ACTR3C: variants seen among roughly 807,000 people sequenced by gnomAD.
ACTR3C encodes actin related protein 3C, also known as actin-related protein 3C.
ACTR3C carries 18 observed loss-of-function variants against 26.3 expected under a neutral mutation model. The observed-to-expected ratio is 0.68, with a 90% confidence interval of 0.47 to 1.01. The LOEUF (loss-of-function observed/expected upper bound fraction) is 1.01, where lower values mean the gene tolerates loss of function less well. Among genes scored for constraint, ACTR3C ranks in the 50% least tolerant of loss-of-function variants. The pLI, the probability that ACTR3C is intolerant of heterozygous loss-of-function variation, is 0.00. For missense variants in ACTR3C, 184 were observed against 250.7 expected, an observed-to-expected ratio of 0.73 and a Z score of 1.80; for synonymous variants, 55 against 94.5, an observed-to-expected ratio of 0.58 and a Z score of 2.42.
the ACTR3C span, among the ~76,000 whole-genome samples, chr7:149,953,562 C>T: frequency 0.011 from 1,618 of 152,182 alleles, 32 homozygotes; most frequent in African/African-American, 0.036. Context: ...TACTGCAATT[C>T]ACCTCCTTCA....
chr7:150,149,526 GAT>G, the ACTR3C span, among the ~76,000 whole-genome samples: 1 of 123,344 alleles, frequency 8.1e-6, no homozygotes, highest in Admixed American at 1.1e-4. Context: ...CCTGGTGTGT[GAT>G]GTTCCCCACC....
intron 6 of ACTR3C, among the ~76,000 whole-genome samples, chr7:150,263,977 C>T (rs183789130): frequency 5.3e-5 from 8 of 152,324 alleles, no homozygotes; most frequent in Admixed American, 1.3e-4. Context: ...GAGCTCTCAG[C>T]GGGGGCTAAG....
At chr7:150,066,161 C>G in the ACTR3C span, among the ~76,000 whole-genome samples, 2 of 152,050 alleles carry the variant, frequency 1.3e-5, no homozygotes, top group Non-Finnish European at 2.9e-5. Flanking sequence ...TACACACACA[C>G]AAAGGAAGGA....
At chr7:149,951,838 T>C in the ACTR3C span, among the ~76,000 whole-genome samples, 1 of 149,986 alleles carries the variant, frequency 6.7e-6, no homozygotes, top group South Asian at 2.1e-4. Context: ...CAAGTGAGCA[T>C]TTTGGGAGGC....
At chr7:150,114,366 A>G in the ACTR3C span, among the ~76,000 whole-genome samples, 1 of 152,086 alleles carries the variant, frequency 6.6e-6, no homozygotes, top group Non-Finnish European at 1.5e-5. Context: ...CCAGATCTGT[A>G]AGATCTAAGC....
intron 6 of ACTR3C, among the ~76,000 whole-genome samples, chr7:150,276,086 A>T (rs1260025115): frequency 1.3e-5 from 2 of 149,398 alleles, no homozygotes; most frequent in Non-Finnish European, 3.0e-5. Flanking sequence ...TTATGCTGGT[A>T]AAAGAATGTC....
the ACTR3C span, among the ~76,000 whole-genome samples, chr7:150,157,707 A>T: frequency 3.9e-5 from 6 of 152,224 alleles, no homozygotes; most frequent in Non-Finnish European, 5.9e-5. Context: ...GCATAGACGA[A>T]GAGTAGAATG....
chr7:150,272,180 A>T (rs1393708992), intron 6 of ACTR3C, among the ~76,000 whole-genome samples: 3 of 144,298 alleles, frequency 2.1e-5, no homozygotes, highest in Non-Finnish European at 4.4e-5. Context: ...ATTTTCTCTG[A>T]GAAAATGACA....
chr7:149,944,211 A>C, the ACTR3C span, among the ~76,000 whole-genome samples: 1 of 152,098 alleles, frequency 6.6e-6, no homozygotes, highest in East Asian at 1.9e-4. Flanking sequence ...GTCCTGGATT[A>C]CCTGAGCTAT....
chr7:150,314,349 T>TA (rs1270710152), intron 1 of ACTR3C, among the ~76,000 whole-genome samples: 1 of 152,186 alleles, frequency 6.6e-6, no homozygotes, highest in East Asian at 1.9e-4. Flanking sequence ...CATTTTTCCT[T>TA]AAACTATTAA....
At chr7:150,043,029 T>C in the ACTR3C span, among the ~76,000 whole-genome samples, 1 of 151,680 alleles carries the variant, frequency 6.6e-6, no homozygotes, top group Non-Finnish European at 1.5e-5. Context: ...ACTGCAAAGT[T>C]TGGGATCCAC....
the ACTR3C span, among the ~76,000 whole-genome samples, chr7:150,202,582 A>G: frequency 6.6e-6 from 1 of 152,238 alleles, no homozygotes; most frequent in Admixed American, 6.5e-5. Context: ...GCTCTGCAGC[A>G]TCATCATTAA....
At chr7:150,004,462 C>T in the ACTR3C span, 1 of 152,220 alleles carries the variant, frequency 6.6e-6, no homozygotes, top group African/African-American at 2.4e-5. Flanking sequence ...TGCCATCTGA[C>T]AACCATTGTA....
chr7:150,322,556 G>C (rs1009908718), intron 1 of ACTR3C: 2 of 152,238 alleles, frequency 1.3e-5, no homozygotes, highest in Non-Finnish European at 2.9e-5. Flanking sequence ...GGTCTAAAAA[G>C]GGGAGGAAGC....
the ACTR3C span, among the ~76,000 whole-genome samples, chr7:149,941,295 ACTGTTCTC>A: frequency 6.6e-6 from 1 of 152,146 alleles, no homozygotes; most frequent in Non-Finnish European, 1.5e-5. Flanking sequence ...CTACGTAGGA[ACTGTTCTC>A]CTGGCACAAG....
At chr7:150,250,861 G>A (rs114868314) in intron 6 of ACTR3C, among the ~76,000 whole-genome samples, 9,387 of 151,952 alleles carry the variant, frequency 0.062, 954 homozygotes, top group African/African-American at 0.22. Context: ...CCTAGATTTC[G>A]GAAGAGAGCT....
intron 6 of ACTR3C, among the ~76,000 whole-genome samples, chr7:150,265,402 A>AC (rs1267902372): frequency 6.8e-6 from 1 of 148,044 alleles, no homozygotes; most frequent in Non-Finnish European, 1.5e-5. Context: ...TAAAAAAAAA[A>AC]AGTTTTTTAG....
chr7:149,926,507 A>G, the ACTR3C span, among the ~76,000 whole-genome samples: 1 of 152,222 alleles, frequency 6.6e-6, no homozygotes, highest in Non-Finnish European at 1.5e-5. Context: ...TGTCTGCATG[A>G]CAAGTCCCCA....
chr7:149,887,791 G>A, the ACTR3C span, among the ~76,000 whole-genome samples: 2 of 152,290 alleles, frequency 1.3e-5, no homozygotes, highest in South Asian at 4.1e-4. Flanking sequence ...GGGACCAGGG[G>A]AGGTAATTGA....
Sources: allele counts gnomAD v4.1 joint callset (sites outside exome capture counted in the v4.1 genomes callset), GRCh38; gene constraint gnomAD v4.1.1; transcripts MANE v1.5; gene names NCBI Gene and HGNC (gene_info 2026-07-23, HGNC 2026-07-21).